CYP27B1: variants seen among roughly 807,000 people sequenced by gnomAD.
CYP27B1 encodes 25-hydroxyvitamin D-1 alpha hydroxylase, mitochondrial.
In CYP27B1, 46 loss-of-function variants were observed where a neutral mutation model predicts 54.8. That is an observed-to-expected ratio of 0.84 (90% CI 0.66 to 1.07). CYP27B1 has a LOEUF of 1.07. Ranked by LOEUF, CYP27B1 falls within the 50% of genes least tolerant of loss-of-function variation. CYP27B1 has a pLI of 0.00. For synonymous variants in CYP27B1, 292 were observed against 297.3 expected, an observed-to-expected ratio of 0.98 and a Z score of 0.18; for missense variants, 674 against 692.2, an observed-to-expected ratio of 0.97 and a Z score of 0.30.
At position 57,764,540 on chromosome 12, in the gene CYP27B1, G is replaced by A. The variant is rs762118198; in HGVS notation, c.974C>T (p.Thr325Met). 1.2e-6 allele frequency: 2 copies of A among 1,614,088 alleles called. No homozygotes were observed. Among genetic ancestry groups the A allele is most frequent in the Non-Finnish European group, 1.7e-6 (2 of 1,180,028 alleles). The change falls in exon 6 of 9, where the codon ACG becomes ATG. Residue 325 changes from threonine to methionine, a missense_variant. By Grantham distance (81) the Thr-to-Met change is moderately conservative. Coordinates refer to ENST00000228606, the MANE Select transcript of CYP27B1 (RefSeq NM_000785.4). Reference sequence around the variant, plus strand: ...GAGCTCATACAGAGCCCAAGAGAGCGTGTTGGACACCTGAAAAACATGTGA... The same window carrying A: ...GAGCTCATACAGAGCCCAAGAGAGCATGTTGGACACCTGAAAAACATGTGA... ...LLAGVDTVSN[T>M]LSWALYELSR...
Position 57,765,532 on chromosome 12 carries a change from AGGTGG to A in CYP27B1, c.387-38_387-34del. 2 of 1,585,752 alleles carry A rather than the reference AGGTGG, an allele frequency of 1.3e-6. No homozygotes were observed. Among genetic ancestry groups the A allele is most frequent in the Non-Finnish European group, 1.7e-6 (2 of 1,165,324 alleles). Reference sequence around the variant, plus strand: ...GTTGAGGAGAGAGTGCGCATCGGGAAGGTGGGGACGGCTCGACGGGACTGGCTGCA... The same window carrying A: ...GTTGAGGAGAGAGTGCGCATCGGGAAGGACGGCTCGACGGGACTGGCTGCA... On this transcript the variant is annotated intron_variant, in intron 2 of 8. Coordinates refer to ENST00000228606, the MANE Select transcript of CYP27B1 (RefSeq NM_000785.4). This position sits in a 1 kb window ranked among gnomAD's most constrained non-coding sequence, Gnocchi z 5.8.
rs767989731 is a variant in CYP27B1 at position 57,763,128 on chromosome 12, C to A, written c.*14G>T. On this transcript the variant is annotated 3_prime_UTR_variant, in exon 9 of 9. Coordinates refer to ENST00000228606, the MANE Select transcript of CYP27B1 (RefSeq NM_000785.4). ...TGAATGAAAGGGTGATGATGACAGT[C>A]TCTTTCCATGGGACTATCTGTCCAA... 6.4e-7 allele frequency: 1 copy of A among 1,558,920 alleles called. No homozygotes were observed. The highest frequency in any genetic ancestry group is 1.4e-5 in the African/African-American group (1 of 73,812).
chr12:57,763,479 T>C, intron 8 of CYP27B1, 132 bp downstream of exon 8: 1 of 955,728 alleles, frequency 1.0e-6, no homozygotes, highest in Non-Finnish European at 1.7e-6. Flanking sequence ...TATAATGGGC[T>C]TATCATATTT....
intron 1 of CYP27B1, 63 bp from the exon 2 acceptor site, chr12:57,766,260 C>A: frequency 6.8e-7 from 1 of 1,470,702 alleles, no homozygotes; most frequent in Non-Finnish European, 9.0e-7. Context: ...TTGACCTGTG[C>A]CCACGCCAAG....
In CYP27B1 at chr12:57,764,084, T is replaced by C. The variant is rs1955339138; in HGVS notation, c.1215+14A>G. The stretch of plus-strand genomic sequence containing the variant: ...GGAATGGCTCAGTAGAAAGGGTGCA[T>C]AGGCTTTACTCACATTTTTGGGGAT... On this transcript the variant is annotated intron_variant, in intron 7 of 8. Transcript: ENST00000228606. 1 of 1,599,068 alleles carries C rather than the reference T, an allele frequency of 6.3e-7. No homozygotes were observed. The highest frequency in any genetic ancestry group is 8.6e-7 in the Non-Finnish European group (1 of 1,166,518).
chr12:57,765,936 T>C lies in CYP27B1; in HGVS notation c.386+71A>G, dbSNP rs1955356281. ...ACCTCCCACCATGCCCCCAGATTGA[T>C]AGTTTCGGGACCCGCAGCAGGAGAG... is the stretch of plus-strand genomic sequence containing the variant. On this transcript the variant is annotated intron_variant, in intron 2 of 8. Transcript: ENST00000228606. This position sits in a 1 kb window ranked among gnomAD's most constrained non-coding sequence, Gnocchi z 5.8. 1 of 1,469,610 alleles carries C rather than the reference T, an allele frequency of 6.8e-7. No homozygotes were observed. Among genetic ancestry groups the C allele is most frequent in the Non-Finnish European group, 9.0e-7 (1 of 1,113,354 alleles). 91.0% of individuals were successfully genotyped at this position (1,469,610 alleles called of 1,614,324 possible). A position where few individuals can be genotyped will look rare whatever the true frequency, so the allele number is the denominator to read the frequency against.
chr12:57,763,705 G>C lies in CYP27B1; in HGVS notation c.1319C>G (p.Pro440Arg), dbSNP rs757358360. The C allele has an allele frequency of 6.2e-7, 1 of 1,606,190 alleles. No homozygotes were observed. Among genetic ancestry groups the C allele is most frequent in the African/African-American group, 1.3e-5 (1 of 74,848 alleles). Residue 440 changes from proline to arginine, a missense_variant, in exon 8 of 9, where the codon CCC (proline) becomes CGC (arginine). Pro to Arg is a moderately radical substitution (Grantham distance 103). Coordinates refer to ENST00000228606, the MANE Select transcript of CYP27B1 (RefSeq NM_000785.4). ...PARWLGEGPT[P>R]HPFASLPFGF... The stretch of plus-strand genomic sequence containing the variant: ...AAAGGGAAGAGATGCAAATGGGTGG[G>C]GGGTGGGACCCTCCCCCAGCCAGCG...
Position 57,765,590 on chromosome 12 carries a change from C to A in CYP27B1, c.387-91G>T. The A allele has an allele frequency of 7.4e-7, 1 of 1,347,156 alleles. No individual in the cohort carries two copies. Among genetic ancestry groups the A allele is most frequent in the Non-Finnish European group, 1.0e-6 (1 of 959,250 alleles). The allele number at this position is 1,347,156 out of a possible 1,614,324, so 83.5% of individuals were successfully genotyped here. ...GAAGGAGCGCGTTCGGCTGCGGTGG[C>A]CAGGAGAGGGATTGCGTCTGCCCCC... On this transcript the variant is annotated intron_variant, in intron 2 of 8. Transcript: ENST00000228606. This position sits in a 1 kb window ranked among gnomAD's most constrained non-coding sequence, Gnocchi z 5.8.
chr12:57,766,760 C>T, intron 1 of CYP27B1, 87 bp downstream of exon 1: 2 of 1,407,088 alleles, frequency 1.4e-6, no homozygotes, highest in South Asian at 1.2e-5. Context: ...GGCTGTCCCA[C>T]ATTTGCTCTG....
Position 57,765,328 on chromosome 12 carries a change from C to CA in CYP27B1, c.557dup (p.Ala187GlyfsTer146). 6.2e-7 allele frequency: 1 copy of CA among 1,613,426 alleles called. No individual in the cohort carries two copies. Among genetic ancestry groups the CA allele is most frequent in the Admixed American group, 1.7e-5 (1 of 60,012 alleles). On this transcript the variant is annotated frameshift_variant, in exon 3 of 9. Coordinates refer to ENST00000228606, the MANE Select transcript of CYP27B1 (RefSeq NM_000785.4). LOFTEE classifies it high-confidence loss of function. The surrounding 1 kb of genome is among the most constrained non-coding windows in gnomAD (Gnocchi z 5.8). ...GTCCGAACTTGTAAAATTCCCCCGC[C>CA]ACGTCCCGAACCAGGGCGGGCGGCC... is the stretch of plus-strand genomic sequence containing the variant.
rs1955347218 is a variant in CYP27B1 at position 57,765,026 on chromosome 12, G to A, written c.775C>T (p.Gln259Ter). 2 of 1,613,840 alleles carry A rather than the reference G, an allele frequency of 1.2e-6. No homozygotes were observed. The highest frequency in any genetic ancestry group is 1.1e-5 in the South Asian group (1 of 91,084). Reference protein sequence around the residue: ...PWGRLCRDWDQMFAFAQRHVE... With the variant: ...PWGRLCRDWD ...TGTGCCTTACCAAATGCAAACATCT[G>A]GTCCCAGTCTCGGCAGAGGCGGCCC... The change falls in exon 4 of 9, where the codon CAG (glutamine) becomes TAG (stop). Residue 259 changes from glutamine to a stop codon, truncating the protein, a stop_gained. Coordinates refer to ENST00000228606, the MANE Select transcript of CYP27B1 (RefSeq NM_000785.4). LOFTEE classifies it high-confidence loss of function. The surrounding 1 kb of genome is among the most constrained non-coding windows in gnomAD (Gnocchi z 5.8).
intron 5 of CYP27B1, 88 bp downstream of exon 5, chr12:57,764,666 A>G: frequency 6.3e-7 from 1 of 1,596,908 alleles, no homozygotes; most frequent in Non-Finnish European, 8.6e-7. Context: ...ACGTGGCCAT[A>G]ATGGATCCCC....
Position 57,767,030 on chromosome 12 carries a change from G to T in CYP27B1, c.12C>A (p.Thr4=). The T allele has an allele frequency of 1.2e-6, 2 of 1,614,200 alleles. No individual in the cohort carries two copies. The highest frequency in any genetic ancestry group is 1.7e-6 in the Non-Finnish European group (2 of 1,180,018). Residue 4 remains threonine (T), a synonymous_variant, in exon 1 of 9, where the codon ACC becomes ACA. Coordinates refer to ENST00000228606, the MANE Select transcript of CYP27B1 (RefSeq NM_000785.4). ...GGAACACTCTGGAGGCGTACTTGAGGGTCTGGGTCATGGTCTGGTTCAGGG... is the reference window on the plus strand; with the variant it reads ...GGAACACTCTGGAGGCGTACTTGAGTGTCTGGGTCATGGTCTGGTTCAGGG... MTQ[T]LKYASRVFHR...
At chr12:57,763,332 A>G in intron 8 of CYP27B1, 77 bp from the exon 9 acceptor site, 1 of 1,113,844 alleles carries the variant, frequency 9.0e-7, no homozygotes. Flanking sequence ...CAATTGGTAA[A>G]GGGCATGCAT....
In CYP27B1 at chr12:57,762,923, C is replaced by T. The variant is rs1955329967; in HGVS notation, c.*219G>A. On this transcript the variant is annotated 3_prime_UTR_variant, in exon 9 of 9. Transcript: ENST00000228606. Reference sequence around the variant, plus strand: ...TGCATACATGATCAGAAGGGCCAAGCAAGCAGAGAGACCATGGTTTTCTCA... The same window carrying T: ...TGCATACATGATCAGAAGGGCCAAGTAAGCAGAGAGACCATGGTTTTCTCA... The T allele has an allele frequency of 1.8e-6, 1 of 554,332 alleles. No homozygotes were observed. 34.3% of individuals were successfully genotyped at this position (554,332 alleles called of 1,614,324 possible).
chr12:57,763,313 T>C (rs1177641201), intron 8 of CYP27B1, 58 bp from the exon 9 acceptor site: 7 of 1,292,158 alleles, frequency 5.4e-6, no homozygotes, highest in South Asian at 1.2e-5. Flanking sequence ...GGGGGATTCA[T>C]TGGTAATCCA....
intron 8 of CYP27B1, 21 bp downstream of exon 8, chr12:57,763,590 T>A (rs1039653245): frequency 6.2e-7 from 1 of 1,607,670 alleles, no homozygotes; most frequent in African/African-American, 1.3e-5. Context: ...CTGGGGAAGG[T>A]ATAAAATCTA....
At position 57,766,077 on chromosome 12, in the gene CYP27B1, C is replaced by T. The variant is rs756300813; in HGVS notation, c.316G>A (p.Glu106Lys). Reference protein sequence around the residue: ...ELLRQEGPRPERCSFSPWTEH... With the variant: ...ELLRQEGPRPKRCSFSPWTEH... ...GTCCAGGGCGAGAAGCTGCAGCGCTCGGGCCGGGGTCCCTCCTGTCGCAGC... is the reference window on the plus strand; with the variant it reads ...GTCCAGGGCGAGAAGCTGCAGCGCTTGGGCCGGGGTCCCTCCTGTCGCAGC... Residue 106 changes from glutamate (E) to lysine (K), a missense_variant, in exon 2 of 9, where the codon GAG (glutamate) becomes AAG (lysine). Coordinates refer to ENST00000228606, the MANE Select transcript of CYP27B1 (RefSeq NM_000785.4). The T allele has an allele frequency of 1.9e-6, 3 of 1,552,140 alleles. No homozygotes were observed. The South Asian group carries it at 3.5e-5, about 18-fold the overall frequency.
intron 1 of CYP27B1, chr12:57,766,639 G>A (rs990957407): frequency 3.2e-6 from 2 of 626,484 alleles, no homozygotes; most frequent in Non-Finnish European, 5.6e-6. Context: ...GCGAGAAGGC[G>A]CTTTCGCAGC....
Sources: allele counts gnomAD v4.1 joint callset, GRCh38; gene constraint gnomAD v4.1.1; non-coding constraint Gnocchi (gnomAD v3.1); transcripts MANE v1.5; gene names NCBI Gene and HGNC (gene_info 2026-07-23, HGNC 2026-07-21).